Variants in ZC3H7B observed in about 807,000 individuals in gnomAD.
ZC3H7B encodes the protein zinc finger CCCH domain-containing protein 7B.
In ZC3H7B, 35 loss-of-function variants were observed where a neutral mutation model predicts 116.0. The ratio of observed to expected loss-of-function variants is 0.30; its 90% CI spans 0.23 to 0.40. ZC3H7B has a LOEUF of 0.40. Ranked by LOEUF, ZC3H7B falls within the 10% of genes least tolerant of loss-of-function variation. The pLI, the probability that ZC3H7B is intolerant of heterozygous loss-of-function variation, is 1.00. For synonymous variants in ZC3H7B, 502 were observed against 545.6 expected, an observed-to-expected ratio of 0.92 and a Z score of 1.11; for missense variants, 1,011 against 1,321.5, an observed-to-expected ratio of 0.77 and a Z score of 3.64.
intron 1 of ZC3H7B, among the ~76,000 whole-genome samples, chr22:41,314,800 G>C (rs1049039929): frequency 6.7e-6 from 1 of 148,666 alleles, no homozygotes; most frequent in African/African-American, 2.5e-5. Flanking sequence ...AGTAGAGACA[G>C]GGTTTCACTA....
rs1353792923 is a variant in ZC3H7B, at chr22:41,302,177, G to A, written c.-7+405G>A. On this transcript the variant is annotated intron_variant, in intron 1 of 22. Coordinates refer to ENST00000352645, the MANE Select transcript of ZC3H7B (RefSeq NM_017590.6). This position sits in a 1 kb window ranked among gnomAD's most constrained non-coding sequence, Gnocchi z 5.7. ...ATGCTTTGCCGACCCCGCGCAGGGGGTCTCGGGGGCTGGCAGGGGCGTCGC... is the reference window on the plus strand; with the variant it reads ...ATGCTTTGCCGACCCCGCGCAGGGGATCTCGGGGGCTGGCAGGGGCGTCGC... Among the ~76,000 whole-genome samples the A allele has an allele frequency of 6.6e-6, 1 of 152,044 alleles. No individual in the cohort carries two copies. The highest frequency in any genetic ancestry group is 1.5e-5 in the Non-Finnish European group (1 of 67,976).
intron 7 of ZC3H7B, chr22:41,332,440 CTCA>C (rs1427143322): frequency 1.7e-6 from 1 of 599,550 alleles, no homozygotes; most frequent in Non-Finnish European, 3.0e-6. Flanking sequence ...CGGGGGCAGC[CTCA>C]CTCTTGAACC....
intron 1 of ZC3H7B, among the ~76,000 whole-genome samples, chr22:41,306,984 T>TA (rs2036051421): frequency 6.7e-6 from 1 of 149,828 alleles, no homozygotes; most frequent in South Asian, 2.1e-4. Context: ...TTTTTTTTTT[T>TA]TTTTTTTGAG....
rs1166183616 is a variant in ZC3H7B at position 41,355,494 on chromosome 22, G to C, written c.2060G>C (p.Ser687Thr). The part of the protein sequence containing the change: ...SMGAPRTHGP[S>T]TFDLQMKFVC... ...GGTGCTCCGAGGACACATGGGCCCA[G>C]CACCTTTGACCTGCAGATGAAGTTT... is the stretch of plus-strand genomic sequence containing the variant. The change falls in exon 18 of 23, where the codon AGC becomes ACC. Residue 687 changes from serine to threonine, a missense_variant. Transcript: ENST00000352645. 2 of 1,614,140 alleles carry C rather than the reference G, an allele frequency of 1.2e-6. No individual in the cohort carries two copies. The highest frequency in any genetic ancestry group is 1.7e-6 in the Non-Finnish European group (2 of 1,180,024).
At chr22:41,303,704 C>G (rs1166233591) in intron 1 of ZC3H7B, among the ~76,000 whole-genome samples, 1 of 152,202 alleles carries the variant, frequency 6.6e-6, no homozygotes. Flanking sequence ...AATCGTCACC[C>G]TTTCCCAGAG....
chr22:41,338,167 C>A lies in ZC3H7B; in HGVS notation c.583-146C>A. ...ATAGGCATAAGCCACCACGCCTGGC[C>A]GCATGTGAGGGCTTTAATCTCCCCT... On this transcript the variant is annotated intron_variant, in intron 7 of 22. Transcript: ENST00000352645. The surrounding 1 kb of genome is among the most constrained non-coding windows in gnomAD (Gnocchi z 4.5). 1 of 799,886 alleles carries A rather than the reference C, an allele frequency of 1.3e-6. No individual in the cohort carries two copies. The allele number at this position is 799,886 out of a possible 1,614,324, so 49.5% of individuals were successfully genotyped here.
In ZC3H7B at chr22:41,340,070, C is replaced by A. The variant is rs1029212004; in HGVS notation, c.1071C>A (p.Thr357=). ...DPLDLLPYSE[T]RLDALDSFGS... Reference sequence around the variant, plus strand: ...TGGACCTGCTGCCGTACTCGGAGACCCGGCTGGATGCACTCGACAGCTTTG... The same window carrying A: ...TGGACCTGCTGCCGTACTCGGAGACACGGCTGGATGCACTCGACAGCTTTG... The change falls in exon 10 of 23, where the codon ACC becomes ACA. Residue 357 remains threonine (T), a synonymous_variant. Transcript: ENST00000352645. The A allele has an allele frequency of 2.5e-6, 4 of 1,612,078 alleles. No individual in the cohort carries two copies. The African/African-American group carries it at 5.3e-5, about 21-fold the overall frequency.
intron 18 of ZC3H7B, 39 bp downstream of exon 18, chr22:41,355,641 G>T: frequency 6.2e-7 from 1 of 1,612,978 alleles, no homozygotes; most frequent in Non-Finnish European, 8.5e-7. Context: ...GTGGGATGGG[G>T]CCACCCTACC....
intron 1 of ZC3H7B, among the ~76,000 whole-genome samples, chr22:41,312,537 C>T (rs987758642): frequency 2.0e-5 from 3 of 151,740 alleles, no homozygotes; most frequent in African/African-American, 7.3e-5. Flanking sequence ...CTGAAGTGAG[C>T]CACGATGGTG....
rs1415667356 is a variant in ZC3H7B, at chr22:41,330,123, T to A, written c.525+20T>A. ...CCCCAGGTAGGTGGGTTCGGGACCCTGGGAGGGTCGGTGTGGACGTGAGGA... is the reference window on the plus strand; with the variant it reads ...CCCCAGGTAGGTGGGTTCGGGACCCAGGGAGGGTCGGTGTGGACGTGAGGA... On this transcript the variant is annotated intron_variant, in intron 6 of 22. Coordinates refer to ENST00000352645, the MANE Select transcript of ZC3H7B (RefSeq NM_017590.6). 15 of 1,613,184 alleles carry A rather than the reference T, an allele frequency of 9.3e-6. No homozygotes were observed. Among genetic ancestry groups the A allele is most frequent in the Non-Finnish European group, 1.2e-5 (14 of 1,179,734 alleles).
Position 41,351,649 on chromosome 22 carries a change from A to G in ZC3H7B, c.2034+3A>G. The G allele has an allele frequency of 6.2e-7, 1 of 1,613,292 alleles. No homozygotes were observed. Among genetic ancestry groups the G allele is most frequent in the Non-Finnish European group, 8.5e-7 (1 of 1,179,628 alleles). ...CGGGGAAGGCCAGCAGCAGCATGGT[A>G]AGGCCTTCTGATACTATGCCATTAT... is the stretch of plus-strand genomic sequence containing the variant. On this transcript the variant is annotated splice_donor_region_variant and intron_variant, in intron 17 of 22. Transcript: ENST00000352645. This position sits in a 1 kb window ranked among gnomAD's most constrained non-coding sequence, Gnocchi z 5.1.
chr22:41,320,619 T>A, intron 1 of ZC3H7B, 36 bp from the exon 2 acceptor site: 4 of 1,613,164 alleles, frequency 2.5e-6, no homozygotes, highest in Non-Finnish European at 3.4e-6. Flanking sequence ...GCCTGGCTCT[T>A]GCTGACTGAC....
rs761783968 is a variant in ZC3H7B at position 41,339,953 on chromosome 22, C to G, written c.954C>G (p.Pro318=). The part of the protein sequence containing the change: ...GSIPVSSPLP[P]ASFGLVMDPS... ...TCCCTGTCTCCAGCCCACTGCCCCC[C>G]GCCTCCTTCGGCTTGGTCATGGACC... is the stretch of plus-strand genomic sequence containing the variant. The change falls in exon 10 of 23, where the codon CCC becomes CCG. Residue 318 remains proline, a synonymous_variant. Coordinates refer to ENST00000352645, the MANE Select transcript of ZC3H7B (RefSeq NM_017590.6). The G allele has an allele frequency of 3.1e-6, 5 of 1,612,692 alleles. No homozygotes were observed. The highest frequency in any genetic ancestry group is 1.3e-5 in the African/African-American group (1 of 74,898).
chr22:41,311,687 C>T (rs1314785690), intron 1 of ZC3H7B, among the ~76,000 whole-genome samples: 8 of 151,930 alleles, frequency 5.3e-5, no homozygotes, highest in South Asian at 2.1e-4. Flanking sequence ...AAGAGATAGG[C>T]GAGTCGTTAA....
Position 41,341,080 on chromosome 22 carries a change from C to T in ZC3H7B, c.1139-8C>T. The T allele has an allele frequency of 1.2e-6, 2 of 1,610,838 alleles. No homozygotes were observed. Among genetic ancestry groups the T allele is most frequent in the Non-Finnish European group, 1.7e-6 (2 of 1,178,284 alleles). The stretch of plus-strand genomic sequence containing the variant: ...AGCCACTGACCCCTGTGTCTTCTCC[C>T]TGCCCAGAGGAGACCAACTCACAGG... On this transcript the variant is annotated splice_polypyrimidine_tract_variant and splice_region_variant and intron_variant, in intron 10 of 22. Coordinates refer to ENST00000352645, the MANE Select transcript of ZC3H7B (RefSeq NM_017590.6).
Position 41,337,327 on chromosome 22 carries a change from C to CA in ZC3H7B, c.583-974dup, listed in dbSNP as rs111381485. ...TAGGGAACAGAGTGAGACTCTGTCT[C>CA]AAAAAAAAAAAACAAACCCAAAACA... On this transcript the variant is annotated intron_variant, in intron 7 of 22. Coordinates refer to ENST00000352645, the MANE Select transcript of ZC3H7B (RefSeq NM_017590.6). Among the ~76,000 whole-genome samples, 1,014 of 133,334 alleles carry CA rather than the reference C, an allele frequency of 7.6e-3. 9 individuals are homozygous for CA. Among genetic ancestry groups the CA allele is most frequent in the African/African-American group, 0.018 (651 of 36,366 alleles). 87.5% of individuals were successfully genotyped at this position (133,334 alleles called of 152,430 possible).
intron 14 of ZC3H7B, 23 bp from the exon 15 acceptor site, chr22:41,348,044 C>T (rs755716554): frequency 1.2e-6 from 2 of 1,611,466 alleles, no homozygotes; most frequent in Non-Finnish European, 1.7e-6. Context: ...TGCCAGGTCC[C>T]AGCCCTTCCC....
intron 1 of ZC3H7B, 122 bp from the exon 2 acceptor site, chr22:41,320,533 G>C: frequency 8.7e-7 from 1 of 1,147,466 alleles, no homozygotes; most frequent in African/African-American, 1.5e-5. Context: ...CACGCCTCCC[G>C]ACATGGGGAA....
At chr22:41,316,757 C>T (rs552234131) in intron 1 of ZC3H7B, among the ~76,000 whole-genome samples, 26 of 152,228 alleles carry the variant, frequency 1.7e-4, no homozygotes, top group African/African-American at 6.3e-4. Flanking sequence ...TCACTGCAAC[C>T]TCTGCCTCCC....
Sources: allele counts gnomAD v4.1 joint callset (sites outside exome capture counted in the v4.1 genomes callset), GRCh38; gene constraint gnomAD v4.1.1; non-coding constraint Gnocchi (gnomAD v3.1); transcripts MANE v1.5; gene names NCBI Gene and HGNC (gene_info 2026-07-23, HGNC 2026-07-21).